The following NEURL1 variants were observed in gnomAD, a reference collection of about 807,000 sequenced individuals.
NEURL1 encodes the protein E3 ubiquitin-protein ligase NEURL1.
Under a neutral mutation model 41.2 loss-of-function variants are expected in NEURL1, and 26 were observed. That is an observed-to-expected ratio of 0.63 (90% CI 0.46 to 0.87). The LOEUF is 0.87. Ranked by LOEUF, NEURL1 falls within the 40% of genes least tolerant of loss-of-function variation. The pLI is 0.00. For missense variants in NEURL1, 761 were observed against 871.1 expected, an observed-to-expected ratio of 0.87 and a Z score of 1.59; for synonymous variants, 400 against 402.3, an observed-to-expected ratio of 0.99 and a Z score of 0.07.
intron 3 of NEURL1, among the ~76,000 whole-genome samples, chr10:103,581,639 GA>G (rs1564831192): frequency 6.6e-6 from 1 of 152,126 alleles, no homozygotes; most frequent in Admixed American, 6.5e-5. Context: ...GTTGGTTACT[GA>G]AAAAAACCTA....
chr10:103,535,863 G>A (rs1300998687), intron 1 of NEURL1, among the ~76,000 whole-genome samples: 1 of 152,156 alleles, frequency 6.6e-6, no homozygotes, highest in African/African-American at 2.4e-5. Context: ...GGGACCCATG[G>A]CAACTCACCC....
chr10:103,510,523 A>G (rs1459626270), intron 1 of NEURL1, among the ~76,000 whole-genome samples: 1 of 152,164 alleles, frequency 6.6e-6, no homozygotes, highest in African/African-American at 2.4e-5. Context: ...GAGATGGGCC[A>G]GGTTGGGCCA....
rs2034646572 is a variant in NEURL1, at chr10:103,534,290, T to C, written c.86-36582T>C. 4.6e-5 allele frequency among the ~76,000 whole-genome samples: 7 copies of C among 152,228 alleles called. No individual in the cohort carries two copies. In the South Asian group the frequency reaches 1.5e-3, roughly 32 times the overall value. ...TGGGTCTCTTACTAGTGAGTTATTATGTTCCTTTGGTGGTGTCATATTTTC... is the reference window on the plus strand; with the variant it reads ...TGGGTCTCTTACTAGTGAGTTATTACGTTCCTTTGGTGGTGTCATATTTTC... On this transcript the variant is annotated intron_variant, in intron 1 of 5. Transcript: ENST00000369780.
intron 1 of NEURL1, among the ~76,000 whole-genome samples, chr10:103,525,644 G>A (rs929274314): frequency 1.3e-5 from 2 of 152,234 alleles, no homozygotes; most frequent in South Asian, 2.1e-4. Context: ...GTGAGCCATC[G>A]TGACTGTAAG....
chr10:103,511,534 CCTCAAAGCTTAACTT>C (rs1394988731), intron 1 of NEURL1, among the ~76,000 whole-genome samples: 1 of 152,202 alleles, frequency 6.6e-6, no homozygotes, highest in Non-Finnish European at 1.5e-5. Flanking sequence ...GCTCCCTGGG[CCTCAAAGCTTAACTT>C]CTCCATGTCC....
chr10:103,581,811 T>C (rs2035788877), intron 3 of NEURL1, among the ~76,000 whole-genome samples: 1 of 152,192 alleles, frequency 6.6e-6, no homozygotes, highest in South Asian at 2.1e-4. Flanking sequence ...GAGTATTCCC[T>C]GAGAATTGTC....
intron 1 of NEURL1, among the ~76,000 whole-genome samples, chr10:103,561,273 T>A (rs2035286517): frequency 6.6e-6 from 1 of 151,700 alleles, no homozygotes; most frequent in Non-Finnish European, 1.5e-5. Context: ...TTTTTTTTTT[T>A]TTTTCGAGAC....
At chr10:103,580,308 G>T (rs1036856916) in intron 3 of NEURL1, among the ~76,000 whole-genome samples, 16 of 152,212 alleles carry the variant, frequency 1.1e-4, no homozygotes, top group Non-Finnish European at 2.1e-4. Flanking sequence ...TGCCATCTCT[G>T]TTCCCATCAT....
chr10:103,499,482 C>CTTCTT (rs369077843), intron 1 of NEURL1, among the ~76,000 whole-genome samples: 57 of 148,854 alleles, frequency 3.8e-4, no homozygotes, highest in African/African-American at 5.4e-4. Flanking sequence ...CCTTCCCTTC[C>CTTCTT]TTCTTTTCTT....
intron 3 of NEURL1, among the ~76,000 whole-genome samples, chr10:103,574,229 A>G (rs1342252997): frequency 6.6e-6 from 1 of 152,232 alleles, no homozygotes; most frequent in Non-Finnish European, 1.5e-5. Context: ...AGGGAGATGA[A>G]GCAAACACTC....
In NEURL1 at chr10:103,589,619, T is replaced by C. The variant is rs1344962027; in HGVS notation, c.1445T>C (p.Leu482Pro). Residue 482 changes from leucine (L) to proline (P), a missense_variant, in exon 5 of 6, where the codon CTC becomes CCC. Physicochemically the swap from Leu to Pro is moderately conservative, Grantham distance 98 (BLOSUM62 -3). Coordinates refer to ENST00000369780, the MANE Select transcript of NEURL1 (RefSeq NM_004210.5). Reference sequence around the variant, plus strand: ...GGCAGCCGCCTGTCTGACCCCTTGCTCAGCACGTGCAGCTCTGGCCCTCTG... The same window carrying C: ...GGCAGCCGCCTGTCTGACCCCTTGCCCAGCACGTGCAGCTCTGGCCCTCTG... ...ALGSRLSDPL[L>P]STCSSGPLGS... is the part of the protein sequence containing the mutation. 1.9e-6 allele frequency: 3 copies of C among 1,613,870 alleles called. No individual in the cohort carries two copies. The South Asian group carries it at 3.3e-5, about 18-fold the overall frequency.
At chr10:103,511,360 A>G (rs2034068423) in intron 1 of NEURL1, among the ~76,000 whole-genome samples, 1 of 152,156 alleles carries the variant, frequency 6.6e-6, no homozygotes, top group Admixed American at 6.5e-5. Context: ...CCACTGGGCT[A>G]TGGAAACCCA....
At chr10:103,507,448 G>A (rs2033972606) in intron 1 of NEURL1, among the ~76,000 whole-genome samples, 1 of 152,142 alleles carries the variant, frequency 6.6e-6, no homozygotes, top group African/African-American at 2.4e-5. Context: ...GTCAGAGTTG[G>A]GCAGGCGAGC....
At chr10:103,577,117 C>T (rs905810289) in intron 3 of NEURL1, among the ~76,000 whole-genome samples, 1 of 152,128 alleles carries the variant, frequency 6.6e-6, no homozygotes, top group African/African-American at 2.4e-5. Flanking sequence ...CTGAGGCTGC[C>T]GATCATGATT....
intron 1 of NEURL1, among the ~76,000 whole-genome samples, chr10:103,535,590 G>A (rs977373008): frequency 6.6e-6 from 1 of 152,140 alleles, no homozygotes; most frequent in South Asian, 2.1e-4. Flanking sequence ...CCAAGGTACT[G>A]TTTTCTGGGA....
intron 3 of NEURL1, among the ~76,000 whole-genome samples, chr10:103,578,719 A>G (rs906833141): frequency 6.6e-5 from 10 of 152,250 alleles, no homozygotes; most frequent in Non-Finnish European, 4.4e-5. Context: ...TGTGAGCCCC[A>G]GAAAGCATGT....
At chr10:103,505,719 T>C (rs1429502574) in intron 1 of NEURL1, among the ~76,000 whole-genome samples, 1 of 140,266 alleles carries the variant, frequency 7.1e-6, no homozygotes, top group African/African-American at 2.4e-5. Flanking sequence ...ACTACCCCAG[T>C]TGAGCTGGGT....
At chr10:103,583,842 T>G (rs1661847024) in intron 3 of NEURL1, among the ~76,000 whole-genome samples, 1 of 145,252 alleles carries the variant, frequency 6.9e-6, no homozygotes, top group South Asian at 2.3e-4. Context: ...GGCGATTGTT[T>G]TTTCTTTTTG....
chr10:103,539,105 C>A (rs1271555943), intron 1 of NEURL1, among the ~76,000 whole-genome samples: 1 of 152,090 alleles, frequency 6.6e-6, no homozygotes, highest in Non-Finnish European at 1.5e-5. Flanking sequence ...CACCACCATA[C>A]TTGGCTGATT....
Sources: gnomAD v4.1 joint callset for allele counts (sites outside exome capture counted in the v4.1 genomes callset) on GRCh38, gnomAD v4.1.1 for gene constraint, MANE v1.5 for transcripts, NCBI Gene and HGNC (gene_info 2026-07-23, HGNC 2026-07-21) for gene names.